Variants in ADIPOR2 observed in about 807,000 individuals in gnomAD.
ADIPOR2 encodes the protein adiponectin receptor protein 2.
In ADIPOR2, 18 loss-of-function variants were observed where a neutral mutation model predicts 40.9. The observed-to-expected ratio is 0.44, with a 90% CI of 0.30 to 0.65. ADIPOR2 has a LOEUF of 0.65. Among genes scored for constraint, ADIPOR2 ranks in the 30% least tolerant of loss-of-function variants. The pLI, the probability that ADIPOR2 is intolerant of heterozygous loss-of-function variation, is 0.09. For missense variants in ADIPOR2, 283 were observed against 479.2 expected, an observed-to-expected ratio of 0.59 and a Z score of 3.82; for synonymous variants, 165 against 166.4, an observed-to-expected ratio of 0.99 and a Z score of 0.06.
chr12:1,709,178 A>G (rs1195285852), intron 1 of ADIPOR2, among the ~76,000 whole-genome samples: 2 of 152,228 alleles, frequency 1.3e-5, no homozygotes, highest in African/African-American at 2.4e-5. Context: ...TGTATTAAAT[A>G]TACAGATCAT....
At chr12:1,776,144 T>A (rs1276397348) in intron 3 of ADIPOR2, among the ~76,000 whole-genome samples, 1 of 152,174 alleles carries the variant, frequency 6.6e-6, no homozygotes, top group Non-Finnish European at 1.5e-5. Context: ...GAGGGACACA[T>A]CTGTTCTTAA....
At chr12:1,707,340 T>G (rs963701815) in intron 1 of ADIPOR2, among the ~76,000 whole-genome samples, 4 of 152,208 alleles carry the variant, frequency 2.6e-5, no homozygotes, top group Admixed American at 6.5e-5. Context: ...GTTAAACAGT[T>G]TTTCAAACTG....
rs1032832474 is a variant in ADIPOR2, at chr12:1,772,998, A to G, written c.291+37A>G. 12 of 1,601,052 alleles carry G rather than the reference A, an allele frequency of 7.5e-6. No individual in the cohort carries two copies. The African/African-American group carries it at 8.1e-5, about 11-fold the overall frequency. On this transcript the variant is annotated intron_variant, in intron 3 of 7. Transcript: ENST00000357103. ...GTTTCTTGTCATTGTCATGCTATAT[A>G]TTTAGCCCTTCCAAAACAGAAACCT...
intron 1 of ADIPOR2, among the ~76,000 whole-genome samples, chr12:1,718,644 G>T (rs10848557): frequency 0.4 from 61,089 of 152,066 alleles, 14,050 homozygotes; most frequent in Non-Finnish European, 0.53. Context: ...CTAGCAGACA[G>T]TGCTAAAATA....
At chr12:1,719,850 G>T (rs7308757) in intron 1 of ADIPOR2, among the ~76,000 whole-genome samples, 144,043 of 152,090 alleles carry the variant, frequency 0.95, 68,690 homozygotes, top group East Asian at 1. Context: ...AATTGTTATA[G>T]TTTTTTAGCA....
intron 2 of ADIPOR2, among the ~76,000 whole-genome samples, chr12:1,762,820 CTT>C (rs1326849880): frequency 2.0e-5 from 3 of 152,140 alleles, no homozygotes; most frequent in African/African-American, 7.2e-5. Context: ...CACTGGGACT[CTT>C]GTCATGGGGA....
At chr12:1,773,535 T>TTTTTG (rs1491561393) in intron 3 of ADIPOR2, among the ~76,000 whole-genome samples, 1 of 119,522 alleles carries the variant, frequency 8.4e-6, no homozygotes, top group African/African-American at 2.9e-5. Flanking sequence ...TTTTTTTTTT[T>TTTTTG]CTAAAATAGT....
At chr12:1,743,877 T>G in intron 1 of ADIPOR2, among the ~76,000 whole-genome samples, 1 of 152,186 alleles carries the variant, frequency 6.6e-6, no homozygotes, top group East Asian at 1.9e-4. Context: ...TTTTATTACA[T>G]TAAAAAACAG....
At chr12:1,757,573 CAG>C (rs1465883695) in intron 2 of ADIPOR2, 11 of 1,048,924 alleles carry the variant, frequency 1.0e-5, no homozygotes, top group Non-Finnish European at 3.0e-6. Flanking sequence ...ATGAGGGAAT[CAG>C]GGTAGCGGAT....
intron 1 of ADIPOR2, among the ~76,000 whole-genome samples, chr12:1,734,849 T>A (rs1199038723): frequency 6.6e-6 from 1 of 152,246 alleles, no homozygotes; most frequent in African/African-American, 2.4e-5. Context: ...GCACCATTTA[T>A]TACATAGGGA....
intron 4 of ADIPOR2, chr12:1,778,287 A>C: frequency 3.0e-6 from 1 of 329,820 alleles, no homozygotes; most frequent in Non-Finnish European, 5.6e-6. Flanking sequence ...AAGTTGCTAT[A>C]CAAAATGTGG....
intron 1 of ADIPOR2, among the ~76,000 whole-genome samples, chr12:1,744,159 T>C (rs1049202926): frequency 6.6e-6 from 1 of 151,198 alleles, no homozygotes; most frequent in Non-Finnish European, 1.5e-5. Context: ...CAGGCTGGAG[T>C]GCAGTGGTAC....
chr12:1,736,690 T>C (rs1304029717), intron 1 of ADIPOR2, among the ~76,000 whole-genome samples: 1 of 152,240 alleles, frequency 6.6e-6, no homozygotes, highest in East Asian at 1.9e-4. Flanking sequence ...CTCTAGTTCT[T>C]TTAATTGTGA....
In ADIPOR2 at chr12:1,719,122, G is replaced by A. The variant is rs368137723; in HGVS notation, c.-87+27931G>A. On this transcript the variant is annotated intron_variant, in intron 1 of 7. Transcript: ENST00000357103. ...GGGCCATATTAGTAACATATGTTGG[G>A]AACTTTTGCCATGTTACCAATTATG... is the stretch of plus-strand genomic sequence containing the variant. Among the ~76,000 whole-genome samples the A allele has an allele frequency of 1.5e-4, 23 of 151,774 alleles. No individual in the cohort carries two copies. In the East Asian group the frequency reaches 2.3e-3, roughly 15 times the overall value.
At chr12:1,750,184 A>G (rs2094765968) in intron 1 of ADIPOR2, among the ~76,000 whole-genome samples, 1 of 152,140 alleles carries the variant, frequency 6.6e-6, no homozygotes, top group Non-Finnish European at 1.5e-5. Flanking sequence ...GTATACTTAA[A>G]GTATTTAATT....
intron 1 of ADIPOR2, among the ~76,000 whole-genome samples, chr12:1,699,717 C>T (rs368597761): frequency 2.0e-5 from 3 of 152,216 alleles, no homozygotes; most frequent in African/African-American, 7.2e-5. Context: ...CATCTTTCAA[C>T]TCTAAGATAA....
intron 1 of ADIPOR2, chr12:1,731,041 A>G (rs2094719152): frequency 6.6e-6 from 1 of 152,166 alleles, no homozygotes; most frequent in Non-Finnish European, 1.5e-5. Context: ...TAAAACATAC[A>G]TTTTAATATT....
chr12:1,767,320 T>A (rs930644551), intron 2 of ADIPOR2, among the ~76,000 whole-genome samples: 2 of 150,552 alleles, frequency 1.3e-5, no homozygotes, highest in Admixed American at 1.3e-4. Context: ...TGAGAATTTT[T>A]AAAAAACTGA....
chr12:1,755,361 C>G (rs916325684), intron 2 of ADIPOR2, among the ~76,000 whole-genome samples: 1 of 152,178 alleles, frequency 6.6e-6, no homozygotes, highest in African/African-American at 2.4e-5. Context: ...TAGACGTGAA[C>G]GACTGCGCCC....
Sources: gnomAD v4.1 joint callset for allele counts (sites outside exome capture counted in the v4.1 genomes callset) on GRCh38, gnomAD v4.1.1 for gene constraint, MANE v1.5 for transcripts, NCBI Gene and HGNC (gene_info 2026-07-23, HGNC 2026-07-21) for gene names.